The following PREX2 variants were observed in gnomAD, a reference collection of about 807,000 sequenced individuals.
The protein encoded by PREX2 is phosphatidylinositol-3,4,5-trisphosphate dependent Rac exchange factor 2, also known as phosphatidylinositol 3,4,5-trisphosphate-dependent Rac exchanger 2 protein.
In PREX2, 107 loss-of-function variants were observed where a neutral mutation model predicts 203.2. That is an observed-to-expected ratio of 0.53 (90% CI 0.45 to 0.62). The LOEUF is 0.62. PREX2 is among the 20% of genes least tolerant of loss of function. PREX2 has a pLI of 0.00. For synonymous variants in PREX2, 672 were observed against 663.6 expected, an observed-to-expected ratio of 1.01 and a Z score of -0.19; for missense variants, 1,777 against 1,955.9, an observed-to-expected ratio of 0.91 and a Z score of 1.72.
intron 37 of PREX2, among the ~76,000 whole-genome samples, chr8:68,199,810 C>T (rs1812468134): frequency 1.3e-5 from 2 of 152,142 alleles, no homozygotes. Context: ...GACAAATTGA[C>T]AAATAGGCCC....
At chr8:68,082,219 C>G (rs923284106) in intron 17 of PREX2, 1 of 152,142 alleles carries the variant, frequency 6.6e-6, no homozygotes, top group Admixed American at 6.5e-5. Flanking sequence ...CCTTGGTGCC[C>G]CTGGTTGGAA....
intron 23 of PREX2, chr8:68,105,552 C>G: frequency 9.0e-7 from 1 of 1,111,964 alleles, no homozygotes; most frequent in Non-Finnish European, 1.1e-6. Context: ...TGACATCACC[C>G]TATTCATTTC....
rs1417408912 is a variant in PREX2, at chr8:68,115,795, G to A, written c.3189G>A (p.Lys1063=). 6.2e-7 allele frequency: 1 copy of A among 1,612,192 alleles called. No individual in the cohort carries two copies. Among genetic ancestry groups the A allele is most frequent in the Admixed American group, 1.7e-5 (1 of 59,714 alleles). ...SITYSPKLER[K]TSEGIIPTDS... ...CATATTCTCCTAAATTAGAACGTAA[G>A]ACATCAGAGGGCATAATACCAACAG... The change falls in exon 26 of 40, where the codon AAG becomes AAA. Residue 1063 remains lysine (K), a synonymous_variant. Transcript: ENST00000288368.
chr8:68,197,376 C>G (rs958196854), intron 37 of PREX2, among the ~76,000 whole-genome samples: 5 of 152,014 alleles, frequency 3.3e-5, no homozygotes, highest in African/African-American at 7.2e-5. Context: ...CTGGCATTTC[C>G]CCTGCTTGCA....
intron 23 of PREX2, chr8:68,105,700 T>TATAA (rs61184621): frequency 1.0e-3 from 246 of 244,682 alleles, no homozygotes; most frequent in African/African-American, 2.0e-3. Context: ...TATATATATA[T>TATAA]GGATATATAT....
intron 34 of PREX2, among the ~76,000 whole-genome samples, chr8:68,154,682 C>T (rs765565375): frequency 1.4e-4 from 22 of 152,172 alleles, no homozygotes; most frequent in Admixed American, 5.9e-4. Flanking sequence ...TTCTAATTAA[C>T]GAAGATGTAG....
At chr8:68,174,273 G>C (rs1457940809) in intron 35 of PREX2, among the ~76,000 whole-genome samples, 1 of 152,128 alleles carries the variant, frequency 6.6e-6, no homozygotes, top group Non-Finnish European at 1.5e-5. Context: ...TTTTAACTTA[G>C]AAGAAATTAA....
intron 5 of PREX2, among the ~76,000 whole-genome samples, chr8:68,028,264 A>G (rs1451417167): frequency 6.6e-6 from 1 of 151,718 alleles, no homozygotes; most frequent in African/African-American, 2.4e-5. Flanking sequence ...TATAATGATA[A>G]TGATTAATTT....
chr8:67,992,582 G>T (rs1806641305), intron 1 of PREX2, among the ~76,000 whole-genome samples: 1 of 152,184 alleles, frequency 6.6e-6, no homozygotes, highest in African/African-American at 2.4e-5. Flanking sequence ...TTAAGACACA[G>T]ATTTCTCCTT....
intron 33 of PREX2, among the ~76,000 whole-genome samples, chr8:68,140,020 A>G (rs189866507): frequency 6.6e-6 from 1 of 152,306 alleles, no homozygotes. Flanking sequence ...GAGGAACTGT[A>G]AGTTCATAGG....
intron 1 of PREX2, among the ~76,000 whole-genome samples, chr8:67,962,810 G>A (rs545656784): frequency 6.6e-5 from 10 of 151,956 alleles, no homozygotes; most frequent in East Asian, 5.8e-4. Flanking sequence ...GTTTCACCAC[G>A]TTGGCCAGGC....
intron 23 of PREX2, 41 bp from the exon 24 acceptor site, chr8:68,108,068 C>G: frequency 7.3e-7 from 1 of 1,370,652 alleles, no homozygotes; most frequent in Non-Finnish European, 1.0e-6. Flanking sequence ...TGAGTTATTA[C>G]TGTGTGTTCA....
chr8:68,014,446 G>GC (rs759926022), intron 1 of PREX2, among the ~76,000 whole-genome samples: 8 of 152,016 alleles, frequency 5.3e-5, no homozygotes, highest in African/African-American at 9.7e-5. Flanking sequence ...TCCTCGGGGT[G>GC]CGGGGGGGGC....
rs1812298936 is a variant in PREX2 at position 68,191,751 on chromosome 8, C to T, written c.4376C>T (p.Pro1459Leu). ...TTCTACTTGGACAAGTCAAATTCAC[C>T]ACCAAACTCCACATCCAAAGCTGCC... ...RAFYLDKSNS[P>L]PNSTSKAAYV... is the part of the protein sequence containing the mutation. Residue 1459 changes from proline (P) to leucine (L), a missense_variant, in exon 36 of 40, where the codon CCA (proline) becomes CTA (leucine). Transcript: ENST00000288368. The T allele has an allele frequency of 1.9e-6, 3 of 1,610,272 alleles. No individual in the cohort carries two copies. The highest frequency in any genetic ancestry group is 2.5e-6 in the Non-Finnish European group (3 of 1,176,782).
At chr8:68,105,251 C>T (rs1301730582) in intron 23 of PREX2, 6 of 1,367,676 alleles carry the variant, frequency 4.4e-6, no homozygotes, top group African/African-American at 1.5e-5. Flanking sequence ...CTATGGAGTT[C>T]CTCCTGCTGC....
Position 68,035,372 on chromosome 8 carries a change from T to G in PREX2, c.706-2787T>G, listed in dbSNP as rs200455485. Among the ~76,000 whole-genome samples the G allele has an allele frequency of 2.6e-5, 4 of 152,274 alleles. No homozygotes were observed. The East Asian group carries it at 7.7e-4, about 29-fold the overall frequency. ...TCCACTGTGAATGCATCTAGCTCGG[T>G]TAGATCTTTGTCTGCTGATGCATTG... On this transcript the variant is annotated intron_variant, in intron 6 of 39. Transcript: ENST00000288368.
Position 68,072,576 on chromosome 8 carries a change from T to C in PREX2, c.1569+6T>C, listed in dbSNP as rs546503977. Reference sequence around the variant, plus strand: ...TAGACTGGTTAATTGCACAGGTAAATAGACAAATAGAAGTTGCTGAGTTTC... The same window carrying C: ...TAGACTGGTTAATTGCACAGGTAAACAGACAAATAGAAGTTGCTGAGTTTC... On this transcript the variant is annotated splice_donor_region_variant and intron_variant, in intron 14 of 39. Transcript: ENST00000288368. 5 of 1,529,474 alleles carry C rather than the reference T, an allele frequency of 3.3e-6. No individual in the cohort carries two copies. The South Asian group carries it at 3.4e-5, about 10-fold the overall frequency. The allele number at this position is 1,529,474 out of a possible 1,614,324, so 94.7% of individuals were successfully genotyped here. A position where few individuals can be genotyped will look rare whatever the true frequency, so the allele number is the denominator to read the frequency against.
chr8:68,130,961 C>A (rs1810997383), intron 31 of PREX2, among the ~76,000 whole-genome samples: 1 of 152,104 alleles, frequency 6.6e-6, no homozygotes, highest in African/African-American at 2.4e-5. Context: ...TTAAAGTTTG[C>A]TAGGCAGAGG....
intron 1 of PREX2, among the ~76,000 whole-genome samples, chr8:67,971,590 G>C (rs1379756568): frequency 1.3e-5 from 2 of 152,060 alleles, no homozygotes; most frequent in African/African-American, 4.8e-5. Context: ...GATGAGAAGA[G>C]ATGCACTGAC....
Sources: allele counts gnomAD v4.1 joint callset (sites outside exome capture counted in the v4.1 genomes callset), GRCh38; gene constraint gnomAD v4.1.1; transcripts MANE v1.5; gene names NCBI Gene and HGNC (gene_info 2026-07-23, HGNC 2026-07-21).